The following LDHAL6A variants were observed in gnomAD, a reference collection of about 807,000 sequenced individuals.
The protein encoded by LDHAL6A is L-lactate dehydrogenase A-like 6A.
Under a neutral mutation model 28.2 loss-of-function variants are expected in LDHAL6A, and 19 were observed. That is an observed-to-expected ratio of 0.67 (90% CI 0.47 to 0.99). LDHAL6A has a LOEUF of 0.99. Ranked by LOEUF, LDHAL6A falls within the 50% of genes least tolerant of loss-of-function variation. LDHAL6A has a pLI of 0.00. For synonymous variants in LDHAL6A, 144 were observed against 134.4 expected (o/e 1.07, Z -0.49); for missense variants, 372 against 398.6 (o/e 0.93, Z 0.57).
Position 18,467,966 on chromosome 11 carries a change from T to C in LDHAL6A, c.418+2156T>C, listed in dbSNP as rs1167983685. Among the ~76,000 whole-genome samples the C allele has an allele frequency of 4.5e-3, 68 of 15,224 alleles. 2 individuals carry two copies. The highest frequency in any genetic ancestry group is 8.1e-3 in the East Asian group (2 of 248). The allele number at this position is 15,224 out of a possible 152,430, so 10.0% of individuals were successfully genotyped here. A position where few individuals can be genotyped will look rare whatever the true frequency, so the allele number is the denominator to read the frequency against. On this transcript the variant is annotated intron_variant, in intron 3 of 6. Transcript: ENST00000280706. ...ACACATATATATATACGTATATATA[T>C]ACGTATATATATACGTATATATATG...
At position 18,475,457 on chromosome 11, in the gene LDHAL6A, T is replaced by G. The variant is rs1368426233; in HGVS notation, c.419-9T>G. The G allele has an allele frequency of 1.9e-6, 3 of 1,603,878 alleles. No individual in the cohort carries two copies. Among genetic ancestry groups the G allele is most frequent in the Non-Finnish European group, 2.6e-6 (3 of 1,173,562 alleles). On this transcript the variant is annotated splice_polypyrimidine_tract_variant and intron_variant, in intron 3 of 6. Transcript: ENST00000280706. Reference sequence around the variant, plus strand: ...AGGACATTTCTTGATATGAACTTTTTCTTCTTAGTGGATATCTTAACTTAT... The same window carrying G: ...AGGACATTTCTTGATATGAACTTTTGCTTCTTAGTGGATATCTTAACTTAT...
At chr11:18,464,160 C>T in intron 2 of LDHAL6A, 82 bp downstream of exon 2, 1 of 981,264 alleles carries the variant, frequency 1.0e-6, no homozygotes, top group Non-Finnish European at 1.6e-6. Flanking sequence ...TTCTTTTGAC[C>T]TCCCCAGTTT....
At chr11:18,475,340 G>A in intron 3 of LDHAL6A, 126 bp from the exon 4 acceptor site, 1 of 723,388 alleles carries the variant, frequency 1.4e-6, no homozygotes. Context: ...AGCTGGGGTT[G>A]GATAGAGAAC....
chr11:18,478,961 A>C lies in LDHAL6A; in HGVS notation c.*91A>C. 8.4e-7 allele frequency: 1 copy of C among 1,184,018 alleles called. No homozygotes were observed. The highest frequency in any genetic ancestry group is 1.2e-6 in the Non-Finnish European group (1 of 843,626). 73.3% of individuals were successfully genotyped at this position (1,184,018 alleles called of 1,614,324 possible). ...CTTTTGAATAAATTTGAATTTCTAA[A>C]AGTTGGAAAAATAGAGGAAAGAGTG... On this transcript the variant is annotated 3_prime_UTR_variant, in exon 7 of 7. Transcript: ENST00000280706.
intron 3 of LDHAL6A, among the ~76,000 whole-genome samples, chr11:18,471,775 AAAAAAAAT>A (rs1849262625): frequency 6.6e-6 from 1 of 151,502 alleles, no homozygotes; most frequent in East Asian, 2.0e-4. Flanking sequence ...AAAAAAAAAA[AAAAAAAAT>A]TTTTTCCAAA....
intron 3 of LDHAL6A, among the ~76,000 whole-genome samples, chr11:18,467,876 CACACATATATAT>C (rs1244334300): frequency 0.011 from 368 of 33,516 alleles, 11 homozygotes; most frequent in South Asian, 0.074. Flanking sequence ...TATATATATA[CACACATATATAT>C]ATATATATAT....
At chr11:18,460,196 G>A (rs1590245139) in intron 1 of LDHAL6A, among the ~76,000 whole-genome samples, 1 of 152,190 alleles carries the variant, frequency 6.6e-6, no homozygotes, top group East Asian at 1.9e-4. Flanking sequence ...CACTTTGGGA[G>A]ACCAAGGCAG....
intron 1 of LDHAL6A, among the ~76,000 whole-genome samples, chr11:18,463,566 G>T (rs1320546930): frequency 1.3e-5 from 2 of 151,998 alleles, no homozygotes; most frequent in African/African-American, 4.8e-5. Context: ...TGGATGATAA[G>T]TAAGCACCAG....
intron 1 of LDHAL6A, among the ~76,000 whole-genome samples, chr11:18,463,344 C>T (rs1848974298): frequency 6.6e-6 from 1 of 152,152 alleles, no homozygotes; most frequent in Non-Finnish European, 1.5e-5. Flanking sequence ...ATGCCCTGTG[C>T]TGCCTTGGGA....
rs202093514 is a variant in LDHAL6A at position 18,476,444 on chromosome 11, T to C, written c.653T>C (p.Ile218Thr). 171 of 1,614,126 alleles carry C rather than the reference T, an allele frequency of 1.1e-4. No individual in the cohort carries two copies. In the Admixed American group the frequency reaches 2.0e-3, roughly 19 times the overall value. ...CCTCTGAAGGATCTGAACCCAGATATAGGAACTGATAAAGATCCTGAGCAG... is the reference window on the plus strand; with the variant it reads ...CCTCTGAAGGATCTGAACCCAGATACAGGAACTGATAAAGATCCTGAGCAG... ...GVPLKDLNPDIGTDKDPEQWE... is the reference protein window; with the variant it reads ...GVPLKDLNPDTGTDKDPEQWE... The change falls in exon 5 of 7, where the codon ATA becomes ACA. Residue 218 changes from isoleucine to threonine, a missense_variant. Ile to Thr is a moderately conservative substitution (Grantham distance 89). Transcript: ENST00000280706.
At chr11:18,472,366 A>G (rs1849275489) in intron 3 of LDHAL6A, among the ~76,000 whole-genome samples, 1 of 152,242 alleles carries the variant, frequency 6.6e-6, no homozygotes, top group Non-Finnish European at 1.5e-5. Flanking sequence ...CTGTTTCAGT[A>G]TCACTTTTTA....
chr11:18,472,694 G>A (rs1433744735), intron 3 of LDHAL6A, among the ~76,000 whole-genome samples: 1 of 152,094 alleles, frequency 6.6e-6, no homozygotes, highest in Non-Finnish European at 1.5e-5. Flanking sequence ...TAAGTTAAAA[G>A]TTCAACCAAA....
At chr11:18,476,593 T>C (rs1849390128) in intron 5 of LDHAL6A, 92 bp downstream of exon 5, 1 of 1,501,676 alleles carries the variant, frequency 6.7e-7, no homozygotes, top group African/African-American at 1.4e-5. Flanking sequence ...ATATATGTTG[T>C]TGTATTTCCC....
At chr11:18,458,678 G>T (rs904770834) in intron 1 of LDHAL6A, among the ~76,000 whole-genome samples, 1 of 152,208 alleles carries the variant, frequency 6.6e-6, no homozygotes, top group Non-Finnish European at 1.5e-5. Flanking sequence ...GGAATTTATT[G>T]TCAGGAATTT....
chr11:18,467,988 TATGC>T (rs1355294490), intron 3 of LDHAL6A, among the ~76,000 whole-genome samples: 572 of 45,482 alleles, frequency 0.013, 55 homozygotes, highest in African/African-American at 0.065. Context: ...TACGTATATA[TATGC>T]ATATATATAC....
At position 18,479,002 on chromosome 11, in the gene LDHAL6A, C is replaced by G. The variant is rs562285537; in HGVS notation, c.*132C>G. The G allele has an allele frequency of 1.1e-5, 8 of 757,924 alleles. No individual in the cohort carries two copies. Among genetic ancestry groups the G allele is most frequent in the South Asian group, 9.4e-5 (5 of 52,980 alleles). 46.9% of individuals were successfully genotyped at this position (757,924 alleles called of 1,614,324 possible). On this transcript the variant is annotated 3_prime_UTR_variant, in exon 7 of 7. Transcript: ENST00000280706. ...GGAAAGAGTGACCTATTTAGTATAG[C>G]CTTCCAGCTTTTTTTTTTTTCTTTT... is the stretch of plus-strand genomic sequence containing the variant.
intron 5 of LDHAL6A, among the ~76,000 whole-genome samples, chr11:18,477,398 G>A (rs889491565): frequency 6.6e-6 from 1 of 151,882 alleles, no homozygotes; most frequent in African/African-American, 2.4e-5. Flanking sequence ...GGTGGAGGTT[G>A]TAGTGAGCCG....
At chr11:18,461,860 GAAAAA>G (rs34785727) in intron 1 of LDHAL6A, among the ~76,000 whole-genome samples, 4 of 131,254 alleles carry the variant, frequency 3.0e-5, no homozygotes, top group Non-Finnish European at 6.6e-5. Flanking sequence ...TCAAAAAAAA[GAAAAA>G]AAAAAAAAAA....
At chr11:18,472,048 C>T (rs1447863064) in intron 3 of LDHAL6A, among the ~76,000 whole-genome samples, 1 of 152,062 alleles carries the variant, frequency 6.6e-6, no homozygotes, top group Non-Finnish European at 1.5e-5. Context: ...TTCTTCAAAT[C>T]TATAGTCATT....
Sources: gnomAD v4.1 joint callset for allele counts (sites outside exome capture counted in the v4.1 genomes callset) on GRCh38, gnomAD v4.1.1 for gene constraint, MANE v1.5 for transcripts, NCBI Gene and HGNC (gene_info 2026-07-23, HGNC 2026-07-21) for gene names.